The following FRMD3 variants were observed in gnomAD, a reference collection of about 807,000 sequenced individuals.
The protein encoded by FRMD3 is FERM domain containing 3, also known as FERM domain-containing protein 3.
Under a neutral mutation model 70.2 loss-of-function variants are expected in FRMD3, and 33 were observed. The ratio of observed to expected loss-of-function variants is 0.47; its 90% CI spans 0.36 to 0.63. The LOEUF (loss-of-function observed/expected upper bound fraction) is 0.63. FRMD3 is among the 20% of genes least tolerant of loss of function. FRMD3 has a pLI of 0.00. For missense variants in FRMD3, 632 were observed against 711.4 expected (o/e 0.89, Z 1.27); for synonymous variants, 279 against 255.9 (o/e 1.09, Z -0.86).
intron 13 of FRMD3, among the ~76,000 whole-genome samples, chr9:83,286,249 C>T (rs1022843207): frequency 1.3e-5 from 2 of 152,114 alleles, no homozygotes; most frequent in African/African-American, 4.8e-5. Flanking sequence ...CAGGACATTC[C>T]CATGACCTCA....
rs571712906 is a variant in FRMD3 at position 83,316,990 on chromosome 9, A to T, written c.597-3243T>A. ...GAGGCTAAGGTGGGAGGATCACTTGAGCCCAGAAGTTCAAAACAAGCCTGG... is the reference window on the plus strand; with the variant it reads ...GAGGCTAAGGTGGGAGGATCACTTGTGCCCAGAAGTTCAAAACAAGCCTGG... On this transcript the variant is annotated intron_variant, in intron 6 of 13. Transcript: ENST00000304195. Among the ~76,000 whole-genome samples the T allele has an allele frequency of 7.9e-5, 12 of 152,238 alleles. No homozygotes were observed. The South Asian group carries it at 2.5e-3, about 32-fold the overall frequency.
chr9:83,515,985 G>A (rs1249647883), intron 1 of FRMD3, among the ~76,000 whole-genome samples: 1 of 152,052 alleles, frequency 6.6e-6, no homozygotes, highest in Non-Finnish European at 1.5e-5. Context: ...ACTATGGGAA[G>A]GAAAAACCGA....
intron 1 of FRMD3, among the ~76,000 whole-genome samples, chr9:83,397,553 G>A (rs1447786922): frequency 6.6e-6 from 1 of 152,196 alleles, no homozygotes; most frequent in Admixed American, 6.5e-5. Context: ...GGCCAGAGGA[G>A]TTGGAAGCAC....
chr9:83,355,085 C>G (rs1031984602), intron 3 of FRMD3, among the ~76,000 whole-genome samples: 2 of 152,108 alleles, frequency 1.3e-5, no homozygotes, highest in Non-Finnish European at 2.9e-5. Context: ...TGGAAGCCCC[C>G]ACTTACTCCC....
At chr9:83,439,196 T>C (rs147168051) in intron 1 of FRMD3, among the ~76,000 whole-genome samples, 148 of 152,348 alleles carry the variant, frequency 9.7e-4, no homozygotes, top group African/African-American at 3.5e-3. Context: ...GTTTGGGCCA[T>C]GAAAGCCATA....
At chr9:83,372,735 C>T (rs1268250321) in intron 3 of FRMD3, among the ~76,000 whole-genome samples, 178 bp downstream of exon 3, 2 of 151,902 alleles carry the variant, frequency 1.3e-5, no homozygotes, top group South Asian at 2.1e-4. Context: ...CTGGTGCAGA[C>T]GAGGGTCATA....
At chr9:83,492,259 C>T (rs1828843621) in intron 1 of FRMD3, among the ~76,000 whole-genome samples, 2 of 152,222 alleles carry the variant, frequency 1.3e-5, no homozygotes, top group South Asian at 2.1e-4. Context: ...TTAAACTACA[C>T]CACGAGGCCT....
chr9:83,264,313 G>C (rs1212466905), intron 13 of FRMD3, among the ~76,000 whole-genome samples: 2 of 152,218 alleles, frequency 1.3e-5, no homozygotes, highest in Non-Finnish European at 2.9e-5. Context: ...TAGGGGAAGA[G>C]AGAGAGAAAT....
chr9:83,393,944 T>C (rs1204600834), intron 1 of FRMD3, among the ~76,000 whole-genome samples: 5 of 105,954 alleles, frequency 4.7e-5, no homozygotes, highest in Admixed American at 2.0e-4. Context: ...TTTTTTGTTG[T>C]TGTTGTTTTT....
intron 10 of FRMD3, among the ~76,000 whole-genome samples, chr9:83,306,328 C>A (rs1442109174): frequency 6.6e-6 from 1 of 152,204 alleles, no homozygotes; most frequent in East Asian, 1.9e-4. Context: ...ACCACACCTA[C>A]TGCACCTCTG....
At chr9:83,501,165 C>G (rs1179295441) in intron 1 of FRMD3, among the ~76,000 whole-genome samples, 1 of 152,088 alleles carries the variant, frequency 6.6e-6, no homozygotes, top group Non-Finnish European at 1.5e-5. Context: ...AACTACACTT[C>G]CTTCTGTAGT....
chr9:83,267,262 C>T (rs1294515874), intron 13 of FRMD3: 1 of 1,497,738 alleles, frequency 6.7e-7, no homozygotes, highest in Admixed American at 2.1e-5. Flanking sequence ...TGTCAGGTTC[C>T]TAATGCGGCC....
At chr9:83,494,368 A>G (rs183325409) in intron 1 of FRMD3, among the ~76,000 whole-genome samples, 7 of 152,308 alleles carry the variant, frequency 4.6e-5, no homozygotes, top group Admixed American at 3.9e-4. Flanking sequence ...TTCTTCTCAC[A>G]TTAGAATGAA....
In FRMD3 at chr9:83,358,577, T is replaced by C. The variant is rs540671356; in HGVS notation, c.296-8820A>G. On this transcript the variant is annotated intron_variant, in intron 3 of 13. Coordinates refer to ENST00000304195, the MANE Select transcript of FRMD3 (RefSeq NM_174938.6). Reference sequence around the variant, plus strand: ...ATCCATCCATGAGCATGGGATGTGTTTCCGTTTGTTTGTGTTGTCTATGAT... The same window carrying C: ...ATCCATCCATGAGCATGGGATGTGTCTCCGTTTGTTTGTGTTGTCTATGAT... Among the ~76,000 whole-genome samples, 13 of 152,284 alleles carry C rather than the reference T, an allele frequency of 8.5e-5. No individual in the cohort carries two copies. The East Asian group carries it at 2.1e-3, about 25-fold the overall frequency.
intron 9 of FRMD3, among the ~76,000 whole-genome samples, chr9:83,310,253 G>A (rs532158459): frequency 6.6e-6 from 1 of 152,260 alleles, no homozygotes; most frequent in Non-Finnish European, 1.5e-5. Flanking sequence ...ATCCCAGTCT[G>A]TTTTGCACAT....
In FRMD3 at chr9:83,446,764, G is replaced by A. The variant is rs570818620; in HGVS notation, c.148-57056C>T. 1.6e-3 allele frequency among the ~76,000 whole-genome samples: 246 copies of A among 151,528 alleles called. 1 individual carries two copies. Among genetic ancestry groups the A allele is most frequent in the African/African-American group, 5.2e-3 (215 of 41,330 alleles). ...TGCCAAGTAGGAAAGTCTTTTTCTT[G>A]TACTTTACACCAATTGTTCTTCCTT... On this transcript the variant is annotated intron_variant, in intron 1 of 13. Transcript: ENST00000304195.
intron 1 of FRMD3, among the ~76,000 whole-genome samples, chr9:83,524,577 A>G (rs1304401721): frequency 6.6e-6 from 1 of 152,216 alleles, no homozygotes; most frequent in Non-Finnish European, 1.5e-5. Context: ...AAGAAATTAT[A>G]TCATTTAGAC....
At chr9:83,519,835 C>T (rs1412493404) in intron 1 of FRMD3, among the ~76,000 whole-genome samples, 1 of 152,122 alleles carries the variant, frequency 6.6e-6, no homozygotes, top group Non-Finnish European at 1.5e-5. Context: ...GAGTTCATGT[C>T]CTTTTCAGGG....
intron 1 of FRMD3, among the ~76,000 whole-genome samples, chr9:83,434,219 C>T (rs1479289432): frequency 6.6e-6 from 1 of 152,212 alleles, no homozygotes; most frequent in Non-Finnish European, 1.5e-5. Context: ...ACTCTCAGTC[C>T]TCTGAGCCTC....
Sources: gnomAD v4.1 joint callset for allele counts (sites outside exome capture counted in the v4.1 genomes callset) on GRCh38, gnomAD v4.1.1 for gene constraint, MANE v1.5 for transcripts, NCBI Gene and HGNC (gene_info 2026-07-23, HGNC 2026-07-21) for gene names.